The following PRSS55 variants were observed in gnomAD, a reference collection of about 807,000 sequenced individuals.
PRSS55 encodes the protein serine protease 55, also known as probable serine protease UNQ9391/PRO34284.
PRSS55 carries 41 observed loss-of-function variants against 23.6 expected under a neutral mutation model. The ratio of observed to expected loss-of-function variants is 1.74; its 90% CI spans 1.35 to 2.26. PRSS55 has a LOEUF of 2.26. Ranked by LOEUF, PRSS55 falls within the 30% of genes most tolerant of loss-of-function variation. The pLI is 0.00. For missense variants in PRSS55, 669 were observed against 439.1 expected (o/e 1.52, Z -4.68); for synonymous variants, 262 against 175.5 (o/e 1.49, Z -3.90).
At chr8:10,539,373 C>T (rs780438614), downstream of PRSS55, among the ~76,000 whole-genome samples, 2 of 152,252 alleles carry the variant, frequency 1.3e-5, no homozygotes, top group Non-Finnish European at 2.9e-5. Flanking sequence ...TGAACCACCA[C>T]GCTGCCCAGG....
At chr8:10,530,933 T>A (rs1172984823) in intron 2 of PRSS55, among the ~76,000 whole-genome samples, 1 of 152,124 alleles carries the variant, frequency 6.6e-6, no homozygotes, top group Middle Eastern at 3.2e-3. Flanking sequence ...TAATAATGAA[T>A]GCCTTATCTA....
At chr8:10,526,580 G>A (rs557069658) in intron 1 of PRSS55, among the ~76,000 whole-genome samples, 3 of 152,332 alleles carry the variant, frequency 2.0e-5, no homozygotes, top group Admixed American at 6.5e-5. Context: ...AGAAGCAGCC[G>A]TTTCTGCTTC....
Position 10,538,409 on chromosome 8 carries a change from C to G in PRSS55, c.742-67C>G, listed in dbSNP as rs538394402. The G allele has an allele frequency of 4.4e-5, 54 of 1,235,464 alleles. No individual in the cohort carries two copies. In the African/African-American group the frequency reaches 6.7e-4, roughly 15 times the overall value. The allele number at this position is 1,235,464 out of a possible 1,614,324, so 76.5% of individuals were successfully genotyped here. A position where few individuals can be genotyped will look rare whatever the true frequency, so the allele number is the denominator to read the frequency against. The stretch of plus-strand genomic sequence containing the variant: ...GGCTGAGGAATCTTCCATGAATGAG[C>G]TGTGCCCAGCCTCAGATGGGCAGCT... On this transcript the variant is annotated intron_variant, in intron 4 of 4. Transcript: ENST00000328655.
chr8:10,531,716 A>G (rs1812274429), intron 3 of PRSS55, 171 bp downstream of exon 3: 3 of 838,088 alleles, frequency 3.6e-6, no homozygotes, highest in Admixed American at 2.7e-5. Flanking sequence ...CCCCAAGGTG[A>G]GACACCAGGT....
chr8:10,531,882 C>T (rs1585871986), intron 3 of PRSS55, among the ~76,000 whole-genome samples: 1 of 152,354 alleles, frequency 6.6e-6, no homozygotes, highest in South Asian at 2.1e-4. Flanking sequence ...TCCTACCTGG[C>T]TCCTCCAGGC....
intron 4 of PRSS55, among the ~76,000 whole-genome samples, chr8:10,546,602 C>T (rs926755636): frequency 6.6e-6 from 1 of 152,138 alleles, no homozygotes; most frequent in African/African-American, 2.4e-5. Context: ...TCCTGTTGCC[C>T]CCTCCAGGAA....
At chr8:10,538,896 G>T, downstream of PRSS55, 1 of 1,239,090 alleles carries the variant, frequency 8.1e-7, no homozygotes, top group Non-Finnish European at 1.1e-6. Flanking sequence ...GGAAATTGAG[G>T]CTGGGACCAG....
intron 4 of PRSS55, among the ~76,000 whole-genome samples, chr8:10,550,192 G>C (rs529994822): frequency 6.6e-6 from 1 of 152,132 alleles, no homozygotes. Flanking sequence ...CAAAGTGCTG[G>C]GATTACAGCT....
rs1391749350 is a variant in PRSS55, at chr8:10,531,335, A to C, written c.388A>C (p.Thr130Pro). The change falls in exon 3 of 5, where the codon ACT (threonine) becomes CCT (proline). Residue 130 changes from threonine (T) to proline (P), a missense_variant. Coordinates refer to ENST00000328655, the MANE Select transcript of PRSS55 (RefSeq NM_198464.4). The part of the protein sequence containing the change: ...LSVVLGTNDL[T>P]SPSMEIKEVA... ...TGTCGTGCTGGGGACCAACGACTTA[A>C]CTAGCCCATCCATGGAAATAAAGGA... The C allele has an allele frequency of 1.2e-6, 2 of 1,614,156 alleles. No individual in the cohort carries two copies. The highest frequency in any genetic ancestry group is 1.7e-6 in the Non-Finnish European group (2 of 1,180,042).
At chr8:10,536,394 A>G (rs141455032) in intron 4 of PRSS55, among the ~76,000 whole-genome samples, 1 of 152,292 alleles carries the variant, frequency 6.6e-6, no homozygotes, top group Non-Finnish European at 1.5e-5. Flanking sequence ...AGAAAAGAGA[A>G]TGCTTCTACA....
chr8:10,540,625 T>C (rs1159685991), downstream of PRSS55: 1 of 152,042 alleles, frequency 6.6e-6, no homozygotes, highest in African/African-American at 2.4e-5. Flanking sequence ...TGAGGCAGGA[T>C]AACGGCTTGA....
intron 1 of PRSS55, among the ~76,000 whole-genome samples, chr8:10,526,630 A>T (rs1218359887): frequency 6.6e-6 from 1 of 152,230 alleles, no homozygotes; most frequent in East Asian, 1.9e-4. Context: ...CATGAACCTG[A>T]AAGTCAACAC....
At chr8:10,534,973 G>A (rs867759480) in intron 4 of PRSS55, among the ~76,000 whole-genome samples, 12 of 152,148 alleles carry the variant, frequency 7.9e-5, no homozygotes, top group Middle Eastern at 6.8e-3. Flanking sequence ...CACAATATCC[G>A]CCAAAAGAAT....
intron 1 of PRSS55, among the ~76,000 whole-genome samples, chr8:10,526,436 A>G (rs565894899): frequency 1.3e-5 from 2 of 152,318 alleles, no homozygotes; most frequent in South Asian, 4.1e-4. Context: ...CTTGCCCAGA[A>G]CACAGCAGGT....
At chr8:10,538,847 T>C, downstream of PRSS55, 1 of 1,477,196 alleles carries the variant, frequency 6.8e-7, no homozygotes. Context: ...CAAGTGCGTC[T>C]CCAGCAGAGG....
At chr8:10,535,919 G>A (rs1484451782) in intron 4 of PRSS55, among the ~76,000 whole-genome samples, 3 of 152,184 alleles carry the variant, frequency 2.0e-5, no homozygotes, top group Non-Finnish European at 2.9e-5. Context: ...GGGAGCGGTG[G>A]TTCACGCCTC....
At position 10,538,575 on chromosome 8, in the gene PRSS55, A is replaced by C. The variant is rs1439674603; in HGVS notation, c.841A>C (p.Thr281Pro). ...GGGAAAGAGCTGTGGAGAGAAGAAC[A>C]CCCCAGGGATATACACCTCGTTGGT... ...SWGKSCGEKN[T>P]PGIYTSLVNY... The change falls in exon 5 of 5, where the codon ACC (threonine) becomes CCC (proline). Residue 281 changes from threonine to proline, a missense_variant. Coordinates refer to ENST00000328655, the MANE Select transcript of PRSS55 (RefSeq NM_198464.4). 6.2e-7 allele frequency: 1 copy of C among 1,614,056 alleles called. No individual in the cohort carries two copies. The highest frequency in any genetic ancestry group is 1.7e-5 in the Admixed American group (1 of 60,024).
In PRSS55 at chr8:10,525,617, C is replaced by T; in HGVS notation, c.32C>T (p.Ser11Phe). Residue 11 changes from serine (S) to phenylalanine (F), a missense_variant, in exon 1 of 5, where the codon TCC (serine) becomes TTC (phenylalanine). Transcript: ENST00000328655. ...CTGTTCTCAGTGTTGCTGCTCCTGTCCCTGGTCACGGGAACTCAGCTCGGT... is the reference window on the plus strand; with the variant it reads ...CTGTTCTCAGTGTTGCTGCTCCTGTTCCTGGTCACGGGAACTCAGCTCGGT... Reference protein sequence around the residue: MLLFSVLLLLSLVTGTQLGPR... With the variant: MLLFSVLLLLFLVTGTQLGPR... 6.2e-7 allele frequency: 1 copy of T among 1,614,138 alleles called. No individual in the cohort carries two copies. Among genetic ancestry groups the T allele is most frequent in the Non-Finnish European group, 8.5e-7 (1 of 1,179,998 alleles).
At chr8:10,552,782 G>C (rs550147690) in intron 4 of PRSS55, among the ~76,000 whole-genome samples, 1 of 152,182 alleles carries the variant, frequency 6.6e-6, no homozygotes, top group East Asian at 1.9e-4. Context: ...GTGTTGGTGA[G>C]GGTGTGGAGA....
Sources: gnomAD v4.1 joint callset for allele counts (sites outside exome capture counted in the v4.1 genomes callset) on GRCh38, gnomAD v4.1.1 for gene constraint, MANE v1.5 for transcripts, NCBI Gene and HGNC (gene_info 2026-07-23, HGNC 2026-07-21) for gene names.